SAMD3: variants seen among roughly 807,000 people sequenced by gnomAD.
The protein encoded by SAMD3 is sterile alpha motif domain containing 3.
SAMD3 carries 63 observed loss-of-function variants against 58.5 expected under a neutral mutation model. That is an observed-to-expected ratio of 1.08 (90% confidence interval 0.88 to 1.33). The LOEUF (loss-of-function observed/expected upper bound fraction) is 1.33. Among genes scored for constraint, SAMD3 ranks in the 40% most tolerant of loss-of-function variants. The probability of loss-of-function intolerance (pLI) is 0.00; values close to 1 mark genes in which losing one functional copy is unlikely to be tolerated. For synonymous variants in SAMD3, 220 were observed against 210.3 expected, an observed-to-expected ratio of 1.05 and a Z score of -0.40; for missense variants, 604 against 608.4, an observed-to-expected ratio of 0.99 and a Z score of 0.08.
At chr6:130,145,989 C>A in intron 10 of SAMD3, 21 bp downstream of exon 10, 1 of 1,362,744 alleles carries the variant, frequency 7.3e-7, no homozygotes, top group Non-Finnish European at 9.6e-7. Context: ...GAAATCACAC[C>A]ACTCCATAAG....
At chr6:130,288,113 A>C (rs1775226608) in intron 2 of SAMD3, among the ~76,000 whole-genome samples, 1 of 152,248 alleles carries the variant, frequency 6.6e-6, no homozygotes, top group Non-Finnish European at 1.5e-5. Flanking sequence ...CCAAGAAAGT[A>C]GATGAGGATG....
At chr6:130,188,104 G>A (rs949403952) in intron 5 of SAMD3, among the ~76,000 whole-genome samples, 5 of 152,092 alleles carry the variant, frequency 3.3e-5, no homozygotes, top group African/African-American at 1.2e-4. Context: ...TGATTAGATG[G>A]CATTTTCATA....
intron 1 of SAMD3, among the ~76,000 whole-genome samples, chr6:130,348,991 C>T (rs1366086002): frequency 4.1e-4 from 62 of 151,426 alleles, no homozygotes; most frequent in African/African-American, 1.1e-3. Flanking sequence ...GGGTACATAA[C>T]GAAATGAAGG....
rs529289078 is a variant in SAMD3 at position 130,177,138 on chromosome 6, C to T, written c.655-1130G>A. ...TTAGAGCACAGGTTGCTGAGCACCACTCTCAGCATCTCTGATTTTGAGGTC... is the reference window on the plus strand; with the variant it reads ...TTAGAGCACAGGTTGCTGAGCACCATTCTCAGCATCTCTGATTTTGAGGTC... On this transcript the variant is annotated intron_variant, in intron 7 of 11. Transcript: ENST00000439090. 2.0e-3 allele frequency among the ~76,000 whole-genome samples: 302 copies of T among 152,308 alleles called. 2 individuals are homozygous for T. The highest frequency in any genetic ancestry group is 6.9e-3 in the African/African-American group (288 of 41,562).
At chr6:130,221,070 G>A (rs549690418) in intron 1 of SAMD3, among the ~76,000 whole-genome samples, 1 of 152,004 alleles carries the variant, frequency 6.6e-6, no homozygotes, top group African/African-American at 2.4e-5. Flanking sequence ...TAGCCAGGAT[G>A]GTCTCGATCT....
At chr6:130,190,510 G>T (rs764044859) in intron 5 of SAMD3, among the ~76,000 whole-genome samples, 2 of 151,746 alleles carry the variant, frequency 1.3e-5, no homozygotes, top group Admixed American at 6.6e-5. Flanking sequence ...TTGTTTAAAA[G>T]AAACAAATAG....
chr6:130,230,699 T>G (rs1796520815), intron 2 of SAMD3, among the ~76,000 whole-genome samples: 1 of 152,228 alleles, frequency 6.6e-6, no homozygotes, highest in South Asian at 2.1e-4. Context: ...CTTCGCCTCT[T>G]CTATGCACAA....
At chr6:130,212,139 G>T (rs1171476013) in intron 4 of SAMD3, among the ~76,000 whole-genome samples, 1 of 151,604 alleles carries the variant, frequency 6.6e-6, no homozygotes, top group Non-Finnish European at 1.5e-5. Context: ...CTCTAAGGGG[G>T]TTTAATTAAA....
chr6:130,267,747 C>A (rs1324572565), intron 2 of SAMD3, among the ~76,000 whole-genome samples: 3 of 152,244 alleles, frequency 2.0e-5, no homozygotes, highest in African/African-American at 7.2e-5. Context: ...CATTGTGAAA[C>A]TTCCTGGTCT....
chr6:130,281,983 T>C (rs1167887659), intron 2 of SAMD3, among the ~76,000 whole-genome samples: 1 of 152,170 alleles, frequency 6.6e-6, no homozygotes, highest in African/African-American at 2.4e-5. Flanking sequence ...TTTTCAGCAT[T>C]TGCACATGCC....
intron 9 of SAMD3, among the ~76,000 whole-genome samples, chr6:130,150,124 T>C (rs1246942644): frequency 6.6e-6 from 1 of 152,120 alleles, no homozygotes; most frequent in Non-Finnish European, 1.5e-5. Flanking sequence ...CGCGCGTGTG[T>C]GTGTGCGTGT....
At chr6:130,266,219 T>C (rs1438374511) in intron 2 of SAMD3, among the ~76,000 whole-genome samples, 2 of 152,218 alleles carry the variant, frequency 1.3e-5, no homozygotes, top group Non-Finnish European at 2.9e-5. Flanking sequence ...GAACTGAATG[T>C]GCCAGTACCA....
At chr6:130,175,276 C>T (rs1197235131) in intron 8 of SAMD3, among the ~76,000 whole-genome samples, 1 of 152,082 alleles carries the variant, frequency 6.6e-6, no homozygotes, top group African/African-American at 2.4e-5. Context: ...ATTGGAATTC[C>T]CATGACCTCC....
chr6:130,317,034 G>A (rs556647819), intron 1 of SAMD3, among the ~76,000 whole-genome samples: 3 of 152,320 alleles, frequency 2.0e-5, no homozygotes, highest in East Asian at 3.9e-4. Flanking sequence ...CTCCTGGTCT[G>A]TGGATTTTTA....
intron 2 of SAMD3, among the ~76,000 whole-genome samples, chr6:130,247,323 A>G (rs1773581685): frequency 6.6e-6 from 1 of 152,030 alleles, no homozygotes. Context: ...TACAAAACTT[A>G]GCGAAGTATG....
At chr6:130,190,804 G>A (rs17058492) in intron 5 of SAMD3, among the ~76,000 whole-genome samples, 11,445 of 151,836 alleles carry the variant, frequency 0.075, 504 homozygotes, top group South Asian at 0.13. Flanking sequence ...TAATCATGTC[G>A]GTCAGTGGAG....
At chr6:130,222,635 T>C (rs889310173) in intron 1 of SAMD3, 59 bp downstream of exon 1, 1 of 152,208 alleles carries the variant, frequency 6.6e-6, no homozygotes, top group Non-Finnish European at 1.5e-5. Context: ...TGAAAGAATT[T>C]TATCTTAATA....
rs149940804 is a variant in SAMD3, at chr6:130,263,387, T to C, written c.-187-40574A>G. ...AACCAGAGCCAGCCTGAAGATCACG[T>C]TCTCGTCAAAAGGTGGAAAGAAGAA... On this transcript the variant is annotated intron_variant, in intron 2 of 13. Transcript: ENST00000368134. Among the ~76,000 whole-genome samples, 600 of 152,176 alleles carry C rather than the reference T, an allele frequency of 3.9e-3. 5 individuals carry two copies. Among genetic ancestry groups the C allele is most frequent in the African/African-American group, 0.013 (537 of 41,504 alleles).
chr6:130,247,022 A>G (rs1292396859), intron 2 of SAMD3, among the ~76,000 whole-genome samples: 1 of 152,206 alleles, frequency 6.6e-6, no homozygotes. Flanking sequence ...TCTAAATACT[A>G]TTTCCAAAGG....
Sources: gnomAD v4.1 joint callset for allele counts (sites outside exome capture counted in the v4.1 genomes callset) on GRCh38, gnomAD v4.1.1 for gene constraint, MANE v1.5 for transcripts, NCBI Gene and HGNC (gene_info 2026-07-23, HGNC 2026-07-21) for gene names.